Variants in ST6GALNAC3 observed in about 807,000 individuals in gnomAD.
The protein encoded by ST6GALNAC3 is ST6 N-acetylgalactosaminide alpha-2,6-sialyltransferase 3.
Under a neutral mutation model 32.7 loss-of-function variants are expected in ST6GALNAC3, and 25 were observed. That is an observed-to-expected ratio of 0.76 (90% CI 0.56 to 1.07). The LOEUF (loss-of-function observed/expected upper bound fraction) is 1.07, where lower values mean the gene tolerates loss of function less well. ST6GALNAC3 is among the 50% of genes least tolerant of loss of function. The probability of loss-of-function intolerance (pLI) is 0.00; values close to 1 mark genes in which losing one functional copy is unlikely to be tolerated. For missense variants in ST6GALNAC3, 355 were observed against 382.4 expected (o/e 0.93, Z 0.60); for synonymous variants, 129 against 133.1 (o/e 0.97, Z 0.21).
At chr1:76,407,938 A>G (rs1054072482) in intron 2 of ST6GALNAC3, among the ~76,000 whole-genome samples, 8 of 152,102 alleles carry the variant, frequency 5.3e-5, no homozygotes, top group Non-Finnish European at 8.8e-5. Context: ...ACTTTAACAG[A>G]GAAAGTTGAG....
At chr1:76,319,404 C>T (rs1166108052) in intron 2 of ST6GALNAC3, among the ~76,000 whole-genome samples, 1 of 147,614 alleles carries the variant, frequency 6.8e-6, no homozygotes, top group Non-Finnish European at 1.5e-5. Context: ...GTTGCTGTGA[C>T]AGACAGGCCA....
At chr1:76,402,799 T>C (rs1478064651) in intron 2 of ST6GALNAC3, among the ~76,000 whole-genome samples, 1 of 152,146 alleles carries the variant, frequency 6.6e-6, no homozygotes, top group Non-Finnish European at 1.5e-5. Flanking sequence ...TGAAGTCCTT[T>C]CTTATAAAGT....
chr1:76,094,005 A>G (rs1183730808), intron 1 of ST6GALNAC3, among the ~76,000 whole-genome samples: 1 of 152,162 alleles, frequency 6.6e-6, no homozygotes, highest in African/African-American at 2.4e-5. Context: ...GTCTTTTATT[A>G]CGGGAGTTCA....
chr1:76,470,942 C>T (rs1258502299), intron 3 of ST6GALNAC3, among the ~76,000 whole-genome samples: 1 of 152,064 alleles, frequency 6.6e-6, no homozygotes, highest in African/African-American at 2.4e-5. Context: ...ATTGTTGATA[C>T]AAAGACAAAC....
chr1:76,147,185 C>A (rs1213580509), intron 1 of ST6GALNAC3, among the ~76,000 whole-genome samples: 2 of 151,832 alleles, frequency 1.3e-5, no homozygotes, highest in Non-Finnish European at 2.9e-5. Flanking sequence ...GCCTCAGCCT[C>A]CCAAGTAGCT....
chr1:76,187,093 G>C (rs1456918437), intron 1 of ST6GALNAC3, among the ~76,000 whole-genome samples: 2 of 152,060 alleles, frequency 1.3e-5, no homozygotes, highest in East Asian at 3.9e-4. Context: ...TTCCGGCATT[G>C]GTTCCTAGGA....
At chr1:76,092,378 G>T (rs987892967) in intron 1 of ST6GALNAC3, among the ~76,000 whole-genome samples, 5 of 152,198 alleles carry the variant, frequency 3.3e-5, no homozygotes, top group Non-Finnish European at 7.3e-5. Flanking sequence ...TCTTATAATT[G>T]ACTATGAATG....
chr1:76,512,909 C>G (rs962379234), intron 3 of ST6GALNAC3, among the ~76,000 whole-genome samples: 1 of 152,090 alleles, frequency 6.6e-6, no homozygotes, highest in Non-Finnish European at 1.5e-5. Flanking sequence ...TTAATGCTGT[C>G]AAGCATTTTT....
At chr1:76,442,411 T>C (rs753612988) in intron 3 of ST6GALNAC3, among the ~76,000 whole-genome samples, 2 of 152,204 alleles carry the variant, frequency 1.3e-5, no homozygotes, top group African/African-American at 2.4e-5. Flanking sequence ...ATTTTCTGAT[T>C]TTCCACTCTT....
At chr1:76,413,012 A>G (rs906301142) in intron 3 of ST6GALNAC3, 6 of 340,368 alleles carry the variant, frequency 1.8e-5, no homozygotes, top group Non-Finnish European at 2.9e-5. Flanking sequence ...AGGTATAAAT[A>G]CTATTCATTC....
At chr1:76,375,572 C>T (rs950905593) in intron 2 of ST6GALNAC3, among the ~76,000 whole-genome samples, 6 of 152,000 alleles carry the variant, frequency 3.9e-5, no homozygotes, top group African/African-American at 9.7e-5. Flanking sequence ...GATGGAACAG[C>T]GTGAAGTGAC....
intron 3 of ST6GALNAC3, among the ~76,000 whole-genome samples, chr1:76,537,690 C>T (rs930507666): frequency 2.6e-5 from 4 of 152,084 alleles, no homozygotes; most frequent in African/African-American, 9.7e-5. Context: ...GAGGATGTCA[C>T]CACTGATCCC....
chr1:76,254,342 C>T (rs1657796243), intron 1 of ST6GALNAC3, among the ~76,000 whole-genome samples: 1 of 152,050 alleles, frequency 6.6e-6, no homozygotes, highest in Non-Finnish European at 1.5e-5. Context: ...TAGTGACTCA[C>T]CCTTCATCAG....
intron 3 of ST6GALNAC3, among the ~76,000 whole-genome samples, chr1:76,569,238 C>T (rs780472234): frequency 1.2e-4 from 18 of 152,124 alleles, no homozygotes; most frequent in Non-Finnish European, 2.2e-4. Context: ...TTTCTAATTA[C>T]GTTTTCTTTC....
chr1:76,561,651 A>C (rs1665251850), intron 3 of ST6GALNAC3, among the ~76,000 whole-genome samples: 1 of 152,192 alleles, frequency 6.6e-6, no homozygotes, highest in South Asian at 2.1e-4. Flanking sequence ...AGAAACTGGA[A>C]TCCTCATACA....
At chr1:76,636,009 C>T (rs913612071), downstream of ST6GALNAC3, among the ~76,000 whole-genome samples, 3 of 152,156 alleles carry the variant, frequency 2.0e-5, no homozygotes, top group African/African-American at 7.2e-5. Flanking sequence ...AAAGAAAACA[C>T]TGAGTTTTGT....
At chr1:76,187,107 T>C (rs1653603310) in intron 1 of ST6GALNAC3, among the ~76,000 whole-genome samples, 1 of 152,216 alleles carries the variant, frequency 6.6e-6, no homozygotes, top group East Asian at 1.9e-4. Context: ...CCTAGGAAAT[T>C]ACAGTTTTCC....
intron 1 of ST6GALNAC3, among the ~76,000 whole-genome samples, chr1:76,231,595 A>ATCTT (rs1467983475): frequency 2.0e-5 from 3 of 152,188 alleles, no homozygotes; most frequent in African/African-American, 7.2e-5. Flanking sequence ...ATCATGCTAT[A>ATCTT]TCTTTATGTG....
chr1:76,121,190 G>A (rs1340125959), intron 1 of ST6GALNAC3, among the ~76,000 whole-genome samples: 1 of 152,284 alleles, frequency 6.6e-6, no homozygotes, highest in African/African-American at 2.4e-5. Flanking sequence ...CATATTCACA[G>A]GTTTTGGAGA....
Sources: gnomAD v4.1 joint callset for allele counts (sites outside exome capture counted in the v4.1 genomes callset) on GRCh38, gnomAD v4.1.1 for gene constraint, MANE v1.5 for transcripts, NCBI Gene and HGNC (gene_info 2026-07-23, HGNC 2026-07-21) for gene names.